The following IMMP2L variants were observed in gnomAD, a reference collection of about 807,000 sequenced individuals.
IMMP2L encodes mitochondrial inner membrane protease subunit 2.
Under a neutral mutation model 19.3 loss-of-function variants are expected in IMMP2L, and 18 were observed. The ratio of observed to expected loss-of-function variants is 0.93; its 90% CI spans 0.64 to 1.38. IMMP2L has a LOEUF of 1.38. Ranked by LOEUF, IMMP2L falls within the 40% of genes most tolerant of loss-of-function variation. The pLI is 0.00. For missense variants in IMMP2L, 233 were observed against 218.2 expected, an observed-to-expected ratio of 1.07 and a Z score of -0.43; for synonymous variants, 76 against 73.0, an observed-to-expected ratio of 1.04 and a Z score of -0.21.
intron 4 of IMMP2L, among the ~76,000 whole-genome samples, chr7:110,891,871 A>G (rs980940541): frequency 6.6e-6 from 1 of 152,202 alleles, no homozygotes; most frequent in South Asian, 2.1e-4. Flanking sequence ...TATGGGAAGC[A>G]TTGTAAGAAA....
chr7:111,538,485 G>C (rs1242445820), intron 1 of IMMP2L, among the ~76,000 whole-genome samples: 1 of 151,808 alleles, frequency 6.6e-6, no homozygotes, highest in Non-Finnish European at 1.5e-5. Flanking sequence ...TACTTATGCT[G>C]TAAGTATAAA....
chr7:110,881,588 T>C (rs1249120539), intron 5 of IMMP2L, among the ~76,000 whole-genome samples: 1 of 152,214 alleles, frequency 6.6e-6, no homozygotes, highest in Non-Finnish European at 1.5e-5. Context: ...AGAGAATACT[T>C]CATTTGGATC....
At chr7:111,317,929 T>C (rs1014783248) in intron 3 of IMMP2L, among the ~76,000 whole-genome samples, 3 of 152,154 alleles carry the variant, frequency 2.0e-5, no homozygotes, top group Admixed American at 6.5e-5. Context: ...CTCATTTTCC[T>C]TTACTTAAGA....
intron 5 of IMMP2L, among the ~76,000 whole-genome samples, chr7:110,813,381 T>C (rs1802186897): frequency 6.6e-6 from 1 of 152,016 alleles, no homozygotes; most frequent in African/African-American, 2.4e-5. Context: ...AAATTCTTAA[T>C]TGTCTGTGGG....
chr7:110,902,318 T>C (rs1811958047), intron 4 of IMMP2L, among the ~76,000 whole-genome samples: 1 of 151,608 alleles, frequency 6.6e-6, no homozygotes, highest in Admixed American at 6.6e-5. Context: ...AATTAGGTTT[T>C]GTGAAACAAA....
intron 3 of IMMP2L, among the ~76,000 whole-genome samples, chr7:111,288,927 C>G (rs1820787934): frequency 6.6e-6 from 1 of 152,064 alleles, no homozygotes; most frequent in African/African-American, 2.4e-5. Context: ...GGCATATACC[C>G]AAAAGATTGT....
In IMMP2L at chr7:110,758,544, G is replaced by A. The variant is rs750508348; in HGVS notation, c.409-94823C>T. Among the ~76,000 whole-genome samples, 11 of 152,130 alleles carry A rather than the reference G, an allele frequency of 7.2e-5. No homozygotes were observed. The highest frequency in any genetic ancestry group is 1.3e-4 in the Admixed American group (2 of 15,250). The stretch of plus-strand genomic sequence containing the variant: ...AGTAAATAAGTAGAGTGCAGGCCTG[G>A]CTATGAGCAAGAAGAGGTCTCAGGG... On this transcript the variant is annotated intron_variant, in intron 5 of 5. Coordinates refer to ENST00000405709, the MANE Select transcript of IMMP2L (RefSeq NM_032549.4). This position sits in a 1 kb window ranked among gnomAD's most constrained non-coding sequence, Gnocchi z 4.6.
At chr7:110,866,625 C>A (rs1164416213) in intron 5 of IMMP2L, among the ~76,000 whole-genome samples, 1 of 152,082 alleles carries the variant, frequency 6.6e-6, no homozygotes, top group Non-Finnish European at 1.5e-5. Flanking sequence ...ATTTGTTAAT[C>A]TTAAAAAGTA....
chr7:110,764,494 T>C (rs1161797916), intron 5 of IMMP2L, among the ~76,000 whole-genome samples: 2 of 152,136 alleles, frequency 1.3e-5, no homozygotes, highest in Non-Finnish European at 2.9e-5. Flanking sequence ...TAATATTGTC[T>C]ACATCAGTAT....
At chr7:111,046,452 A>C (rs749469405) in intron 3 of IMMP2L, among the ~76,000 whole-genome samples, 2 of 152,154 alleles carry the variant, frequency 1.3e-5, no homozygotes, top group African/African-American at 2.4e-5. Context: ...AGTTTCCAGA[A>C]CTGAATAAAG....
chr7:111,237,052 C>T (rs1372710758), intron 3 of IMMP2L, among the ~76,000 whole-genome samples: 1 of 151,842 alleles, frequency 6.6e-6, no homozygotes, highest in Non-Finnish European at 1.5e-5. Flanking sequence ...TTCCATAACA[C>T]GGAATATATA....
chr7:110,995,006 C>A (rs2129560206), intron 3 of IMMP2L, among the ~76,000 whole-genome samples: 1 of 152,226 alleles, frequency 6.6e-6, no homozygotes, highest in South Asian at 2.1e-4. Context: ...ATAGTACATT[C>A]AAGGCACATT....
chr7:110,855,453 G>A (rs114815877), intron 5 of IMMP2L, among the ~76,000 whole-genome samples: 1,987 of 152,016 alleles, frequency 0.013, 37 homozygotes, highest in African/African-American at 0.045. Flanking sequence ...GTTTGGACCT[G>A]GAGAAGTCAT....
intron 3 of IMMP2L, among the ~76,000 whole-genome samples, chr7:111,203,407 G>A (rs967592811): frequency 1.3e-5 from 2 of 151,976 alleles, no homozygotes; most frequent in African/African-American, 2.4e-5. Flanking sequence ...GGCAACAAGC[G>A]TTTTGAAGAA....
In IMMP2L at chr7:111,190,356, G is replaced by T. The variant is rs187234429; in HGVS notation, c.240-226791C>A. 1.6e-4 allele frequency among the ~76,000 whole-genome samples: 25 copies of T among 151,982 alleles called. No individual in the cohort carries two copies. The East Asian group carries it at 3.3e-3, about 20-fold the overall frequency. On this transcript the variant is annotated intron_variant, in intron 3 of 5. Transcript: ENST00000405709. ...AGGCTTTAGTTAAAAAATAAATCTAGCATTACCAACATGCTAAATGTATAT... is the reference window on the plus strand; with the variant it reads ...AGGCTTTAGTTAAAAAATAAATCTATCATTACCAACATGCTAAATGTATAT...
At chr7:111,468,699 T>C (rs1251917188) in intron 3 of IMMP2L, among the ~76,000 whole-genome samples, 1 of 152,034 alleles carries the variant, frequency 6.6e-6, no homozygotes, top group Non-Finnish European at 1.5e-5. Context: ...AGAAAACATA[T>C]CATAGTCAAA....
intron 5 of IMMP2L, among the ~76,000 whole-genome samples, chr7:110,834,293 T>A (rs532762455): frequency 2.6e-4 from 39 of 152,256 alleles, no homozygotes; most frequent in Admixed American, 3.9e-4. Flanking sequence ...CACAGCAGCC[T>A]GTCATGTAAG....
At position 110,915,368 on chromosome 7, in the gene IMMP2L, G is replaced by A. The variant is rs115243645; in HGVS notation, c.306-28673C>T. Among the ~76,000 whole-genome samples the A allele has an allele frequency of 9.5e-3, 1,353 of 141,928 alleles. 23 individuals carry two copies. The highest frequency in any genetic ancestry group is 0.034 in the African/African-American group (1,293 of 38,484). The allele number at this position is 141,928 out of a possible 152,430, so 93.1% of individuals were successfully genotyped here. A position where few individuals can be genotyped will look rare whatever the true frequency, so the allele number is the denominator to read the frequency against. On this transcript the variant is annotated intron_variant, in intron 4 of 5. Coordinates refer to ENST00000405709, the MANE Select transcript of IMMP2L (RefSeq NM_032549.4). ...ACATGAAATAAGCCTGACACAGAAA[G>A]ACAAATACTGTGTAATATCACTTAT...
chr7:111,241,541 C>A (rs1174195405), intron 3 of IMMP2L, among the ~76,000 whole-genome samples: 1 of 151,842 alleles, frequency 6.6e-6, no homozygotes, highest in South Asian at 2.1e-4. Context: ...AAGGACAACC[C>A]TACACATGAA....
Sources: gnomAD v4.1 joint callset for allele counts (sites outside exome capture counted in the v4.1 genomes callset) on GRCh38, gnomAD v4.1.1 for gene constraint, Gnocchi (gnomAD v3.1) non-coding constraint, MANE v1.5 for transcripts, NCBI Gene and HGNC (gene_info 2026-07-23, HGNC 2026-07-21) for gene names.